Variants in C10orf88 observed in about 807,000 individuals in gnomAD.
C10orf88 encodes the protein chromosome 10 open reading frame 88.
In C10orf88, 29 loss-of-function variants were observed where a neutral mutation model predicts 34.2. The ratio of observed to expected loss-of-function variants is 0.85; its 90% CI spans 0.63 to 1.16. The LOEUF is 1.16. Ranked by LOEUF, C10orf88 falls within the 50% of genes most tolerant of loss-of-function variation. C10orf88 has a pLI of 0.00. For synonymous variants in C10orf88, 194 were observed against 197.4 expected (o/e 0.98, Z 0.15); for missense variants, 507 against 533.2 (o/e 0.95, Z 0.48).
intron 3 of C10orf88, among the ~76,000 whole-genome samples, chr10:122,950,330 T>A (rs532481184): frequency 4.6e-5 from 7 of 152,228 alleles, no homozygotes; most frequent in Non-Finnish European, 2.9e-5. Flanking sequence ...AACTTCCATA[T>A]ACTATTGCCT....
chr10:122,944,328 G>A (rs1448682054), intron 4 of C10orf88, among the ~76,000 whole-genome samples: 1 of 138,256 alleles, frequency 7.2e-6, no homozygotes, highest in Non-Finnish European at 1.5e-5. Context: ...TGAACAATGA[G>A]AACACATGGA....
Position 122,932,641 on chromosome 10 carries a change from C to T in C10orf88, c.1124G>A (p.Cys375Tyr), listed in dbSNP as rs1298471271. The change falls in exon 6 of 6, where the codon TGC (cysteine) becomes TAC (tyrosine). Residue 375 changes from cysteine to tyrosine, a missense_variant. Transcript: ENST00000481909. ...LGVGMEEQSI[C>Y]SYLEKILSKN... ...AGAAAGAATCTTTTCCAAGTAGGAG[C>T]AAATAGATTGCTCTTCCATTCTAAA... 6.2e-7 allele frequency: 1 copy of T among 1,607,810 alleles called. No individual in the cohort carries two copies. Among genetic ancestry groups the T allele is most frequent in the Non-Finnish European group, 8.5e-7 (1 of 1,176,526 alleles).
chr10:122,938,310 C>A, intron 4 of C10orf88, 151 bp from the exon 5 acceptor site: 4 of 676,388 alleles, frequency 5.9e-6, no homozygotes, highest in Non-Finnish European at 9.3e-6. Context: ...CAATATTAAG[C>A]TGAGGAGACC....
intron 4 of C10orf88, among the ~76,000 whole-genome samples, chr10:122,944,084 A>G (rs1485726989): frequency 4.6e-5 from 7 of 152,056 alleles, no homozygotes; most frequent in Non-Finnish European, 7.4e-5. Context: ...ACATATATTT[A>G]TTGTGGCATT....
intron 5 of C10orf88, 77 bp downstream of exon 5, chr10:122,937,628 T>G: frequency 2.6e-5 from 34 of 1,311,956 alleles, no homozygotes; most frequent in Non-Finnish European, 3.1e-5. Flanking sequence ...CAGTACTCAT[T>G]GAGACAAATC....
intron 4 of C10orf88, among the ~76,000 whole-genome samples, chr10:122,944,448 C>T (rs1281837730): frequency 1.3e-5 from 2 of 151,530 alleles, no homozygotes; most frequent in Admixed American, 6.6e-5. Context: ...GTGGGTGCAG[C>T]GCACCAGCAT....
In C10orf88 at chr10:122,932,611, T is replaced by G. The variant is rs1181317249; in HGVS notation, c.1154A>C (p.Asn385Thr). 1.9e-6 allele frequency: 3 copies of G among 1,613,426 alleles called. No individual in the cohort carries two copies. Among genetic ancestry groups the G allele is most frequent in the East Asian group, 2.2e-5 (1 of 44,852 alleles). ...AAGTTTCTTTTCCATCAGTTCCATA[T>G]TTTTAGAAAGAATCTTTTCCAAGTA... The part of the protein sequence containing the change: ...CSYLEKILSK[N>T]MELMEKKLMD... The change falls in exon 6 of 6, where the codon AAT (asparagine) becomes ACT (threonine). Residue 385 changes from asparagine to threonine, a missense_variant. Coordinates refer to ENST00000481909, the MANE Select transcript of C10orf88 (RefSeq NM_024942.4).
At chr10:122,953,931 G>C in intron 1 of C10orf88, 84 bp downstream of exon 1, 1 of 1,301,180 alleles carries the variant, frequency 7.7e-7, no homozygotes, top group Non-Finnish European at 9.9e-7. Context: ...CCCGGGCTCA[G>C]ACCCTCTCGC....
Position 122,948,697 on chromosome 10 carries a change from T to C in C10orf88, c.600A>G (p.Leu200=), listed in dbSNP as rs1848662528. The change falls in exon 4 of 6, where the codon TTA becomes TTG. Residue 200 remains leucine, a synonymous_variant. Transcript: ENST00000481909. ...CCATCAACTGCTGAGCTCCAGGAGATAACTTTGACCCCATGGACTCCATTA... is the reference window on the plus strand; with the variant it reads ...CCATCAACTGCTGAGCTCCAGGAGACAACTTTGACCCCATGGACTCCATTA... ...QTIMESMGSK[L]SPGAQQLMDM... is the part of the protein sequence containing the mutation. The C allele has an allele frequency of 6.2e-7, 1 of 1,613,868 alleles. No individual in the cohort carries two copies. Among genetic ancestry groups the C allele is most frequent in the Admixed American group, 1.7e-5 (1 of 59,976 alleles).
chr10:122,948,384 C>T (rs1489151563), intron 4 of C10orf88, among the ~76,000 whole-genome samples: 1 of 152,116 alleles, frequency 6.6e-6, no homozygotes, highest in East Asian at 1.9e-4. Context: ...CATCTTCGCA[C>T]ACTCAAAATT....
Position 122,953,997 on chromosome 10 carries a change from C to T in C10orf88, c.164+18G>A, listed in dbSNP as rs779490361. 1 of 1,507,490 alleles carries T rather than the reference C, an allele frequency of 6.6e-7. No individual in the cohort carries two copies. Among genetic ancestry groups the T allele is most frequent in the South Asian group, 1.2e-5 (1 of 81,546 alleles). 93.4% of individuals were successfully genotyped at this position (1,507,490 alleles called of 1,614,324 possible). ...AGTTGCCGAGCATAGCGACCCCGTC[C>T]CCGTCGGCCCGGCGCACCCTGGAGC... On this transcript the variant is annotated intron_variant, in intron 1 of 5. Transcript: ENST00000481909.
At chr10:122,948,515 T>C in intron 4 of C10orf88, 134 bp downstream of exon 4, 8 of 813,570 alleles carry the variant, frequency 9.8e-6, no homozygotes. Context: ...CTAACAAATG[T>C]TAACTTCTAC....
intron 5 of C10orf88, among the ~76,000 whole-genome samples, chr10:122,934,337 C>T (rs1848513939): frequency 6.6e-6 from 1 of 152,116 alleles, no homozygotes; most frequent in Non-Finnish European, 1.5e-5. Context: ...ATTGTCATAC[C>T]TACTCCCCTA....
intron 4 of C10orf88, among the ~76,000 whole-genome samples, chr10:122,946,377 C>T (rs1848639765): frequency 6.6e-6 from 1 of 152,060 alleles, no homozygotes; most frequent in Non-Finnish European, 1.5e-5. Context: ...ATACACAAAT[C>T]CTTACCATTA....
At chr10:122,941,465 C>T (rs1452836625) in intron 4 of C10orf88, among the ~76,000 whole-genome samples, 1 of 152,136 alleles carries the variant, frequency 6.6e-6, no homozygotes, top group Non-Finnish European at 1.5e-5. Context: ...GCCAAAACTT[C>T]TGAGGTCCTT....
intron 5 of C10orf88, 32 bp downstream of exon 5, chr10:122,937,673 T>C (rs776381308): frequency 5.3e-6 from 8 of 1,504,994 alleles, no homozygotes; most frequent in Non-Finnish European, 7.2e-6. Flanking sequence ...ACCTACCAAA[T>C]CGAAACTCGT....
chr10:122,940,885 T>G (rs117668036), intron 4 of C10orf88, among the ~76,000 whole-genome samples: 3 of 152,138 alleles, frequency 2.0e-5, no homozygotes, highest in Non-Finnish European at 4.4e-5. Context: ...ATGAAAGCAT[T>G]TAGAGAGAAC....
intron 2 of C10orf88, 142 bp from the exon 3 acceptor site, chr10:122,952,168 T>G: frequency 1.8e-6 from 1 of 559,704 alleles, no homozygotes; most frequent in Non-Finnish European, 3.2e-6. Context: ...TTGGGCTCCA[T>G]AACTGAAGCA....
chr10:122,945,298 C>T (rs1348522208), intron 4 of C10orf88, among the ~76,000 whole-genome samples: 1 of 152,134 alleles, frequency 6.6e-6, no homozygotes, highest in African/African-American at 2.4e-5. Context: ...AAAAGTATAG[C>T]ATGTACAATT....
Sources: gnomAD v4.1 joint callset for allele counts (sites outside exome capture counted in the v4.1 genomes callset) on GRCh38, gnomAD v4.1.1 for gene constraint, MANE v1.5 for transcripts, NCBI Gene and HGNC (gene_info 2026-07-23, HGNC 2026-07-21) for gene names.